The following TUBB3 variants were observed in gnomAD, a reference collection of about 807,000 sequenced individuals.
TUBB3 encodes tubulin beta-3 chain.
In TUBB3, 17 loss-of-function variants were observed where a neutral mutation model predicts 37.8. The observed-to-expected ratio is 0.45, with a 90% CI of 0.31 to 0.67. The LOEUF (loss-of-function observed/expected upper bound fraction) is 0.67. Among genes scored for constraint, TUBB3 ranks in the 30% least tolerant of loss-of-function variants. TUBB3 has a pLI of 0.07. For synonymous variants in TUBB3, 332 were observed against 278.9 expected, an observed-to-expected ratio of 1.19 and a Z score of -1.90; for missense variants, 262 against 657.9, an observed-to-expected ratio of 0.40 and a Z score of 6.58.
rs191521121 is a variant in TUBB3, at chr16:89,927,518, T to G, written c.57+4060T>G. Among the ~76,000 whole-genome samples the G allele has an allele frequency of 9.3e-4, 141 of 152,346 alleles. 2 individuals are homozygous for G. The East Asian group carries it at 0.022, about 24-fold the overall frequency. ...ATATTGCAGATAAACCTGGTGCCCA[T>G]CTAGCCACCTCTCTCTATCCAAGTG... On this transcript the variant is annotated intron_variant, in intron 1 of 3. Coordinates refer to ENST00000315491, the MANE Select transcript of TUBB3 (RefSeq NM_006086.4).
At position 89,935,869 on chromosome 16, in the gene TUBB3, C is replaced by G; in HGVS notation, c.*65C>G. The G allele has an allele frequency of 6.5e-7, 1 of 1,541,496 alleles. No individual in the cohort carries two copies. The highest frequency in any genetic ancestry group is 1.9e-4 in the Middle Eastern group (1 of 5,136). ...GGCCGAAGCCAGCAGTGTCTAAACC[C>G]CCGGAGCCATCTTGCTGCCGACACC... On this transcript the variant is annotated 3_prime_UTR_variant, in exon 4 of 4. Coordinates refer to ENST00000315491, the MANE Select transcript of TUBB3 (RefSeq NM_006086.4).
intron 1 of TUBB3, among the ~76,000 whole-genome samples, chr16:89,926,278 C>T (rs756026326): frequency 1.3e-5 from 2 of 152,224 alleles, no homozygotes; most frequent in Non-Finnish European, 2.9e-5. Flanking sequence ...GGGGGCGGGG[C>T]CTGGCCGTCT....
intron 1 of TUBB3, among the ~76,000 whole-genome samples, chr16:89,928,027 G>A (rs1418260617): frequency 6.6e-6 from 1 of 152,136 alleles, no homozygotes; most frequent in Non-Finnish European, 1.5e-5. Context: ...CAAGCAGTAG[G>A]TGGGAAGCTT....
At chr16:89,927,020 T>TAA (rs2030112328) in intron 1 of TUBB3, among the ~76,000 whole-genome samples, 1 of 152,076 alleles carries the variant, frequency 6.6e-6, no homozygotes. Flanking sequence ...CCGGGCCGAT[T>TAA]TCCTTTTCTG....
At chr16:89,926,398 C>T (rs982801391) in intron 1 of TUBB3, among the ~76,000 whole-genome samples, 3 of 152,266 alleles carry the variant, frequency 2.0e-5, no homozygotes, top group Non-Finnish European at 2.9e-5. Flanking sequence ...GGCTTGGAGG[C>T]CCCAGTCTCG....
At chr16:89,934,644 G>A in intron 3 of TUBB3, 85 bp from the exon 4 acceptor site, 2 of 1,368,684 alleles carry the variant, frequency 1.5e-6, no homozygotes, top group Non-Finnish European at 2.1e-6. Context: ...TGCCACGGCT[G>A]CCCTTGGGAT....
Position 89,923,344 on chromosome 16 carries a change from C to CCT in TUBB3, c.-58_-57insCT. On this transcript the variant is annotated 5_prime_UTR_variant, in exon 1 of 4. Coordinates refer to ENST00000315491, the MANE Select transcript of TUBB3 (RefSeq NM_006086.4). ...GCGCGCGGCCGCGGTCCCCGACCCT[C>CCT]AGCAGCCAGCCCGGCCCGCCCGCGC... 1 of 1,408,424 alleles carries CCT rather than the reference C, an allele frequency of 7.1e-7. No individual in the cohort carries two copies. Among genetic ancestry groups the CCT allele is most frequent in the South Asian group, 1.4e-5 (1 of 72,874 alleles). The allele number at this position is 1,408,424 out of a possible 1,614,324, so 87.2% of individuals were successfully genotyped here.
At chr16:89,932,961 T>C in intron 2 of TUBB3, 1 of 529,378 alleles carries the variant, frequency 1.9e-6, no homozygotes, top group Non-Finnish European at 3.4e-6. Context: ...GCCAGAGACT[T>C]TGGAGGCCAT....
chr16:89,923,253 G>A, upstream of TUBB3: 1 of 418,910 alleles, frequency 2.4e-6, no homozygotes, highest in Non-Finnish European at 3.7e-6. Flanking sequence ...CTCTGCGGCG[G>A]CGCCTCCCGA....
At chr16:89,929,447 T>C (rs2030204485) in intron 1 of TUBB3, among the ~76,000 whole-genome samples, 2 of 152,204 alleles carry the variant, frequency 1.3e-5, no homozygotes, top group South Asian at 4.1e-4. Context: ...CCCGAGACAC[T>C]GTTAGCAGAG....
At position 89,935,841 on chromosome 16, in the gene TUBB3, C is replaced by T. The variant is rs11554950; in HGVS notation, c.*37C>T. 28 of 1,592,566 alleles carry T rather than the reference C, an allele frequency of 1.8e-5. No individual in the cohort carries two copies. Among genetic ancestry groups the T allele is most frequent in the East Asian group, 2.3e-5 (1 of 44,016 alleles). ...GCTGGAGTGAGAGGCAGGTGGCGGCCGGGGCCGAAGCCAGCAGTGTCTAAA... is the reference window on the plus strand; with the variant it reads ...GCTGGAGTGAGAGGCAGGTGGCGGCTGGGGCCGAAGCCAGCAGTGTCTAAA... On this transcript the variant is annotated 3_prime_UTR_variant, in exon 4 of 4. Transcript: ENST00000315491.
chr16:89,932,064 A>G (rs1256531316), intron 1 of TUBB3: 1 of 287,394 alleles, frequency 3.5e-6, no homozygotes, highest in African/African-American at 2.2e-5. Context: ...TCCTGGCACC[A>G]TCACTGGACA....
At chr16:89,924,457 CAG>C (rs950795207) in intron 1 of TUBB3, among the ~76,000 whole-genome samples, 16 of 103,450 alleles carry the variant, frequency 1.5e-4, no homozygotes, top group South Asian at 3.3e-4. Flanking sequence ...TGTTGGGGAA[CAG>C]GGGATCGGGG....
At chr16:89,932,842 T>C in intron 2 of TUBB3, 163 bp downstream of exon 2, 1 of 667,984 alleles carries the variant, frequency 1.5e-6, no homozygotes. Context: ...ATGTCAGGCA[T>C]CCAGACGCAC....
At chr16:89,932,329 G>A (rs1200766188) in intron 1 of TUBB3, among the ~76,000 whole-genome samples, 1 of 152,256 alleles carries the variant, frequency 6.6e-6, no homozygotes, top group Non-Finnish European at 1.5e-5. Flanking sequence ...GTGTGGGTCT[G>A]TTGAACCTTG....
intron 1 of TUBB3, among the ~76,000 whole-genome samples, chr16:89,926,017 A>G (rs2144403366): frequency 6.6e-6 from 1 of 152,250 alleles, no homozygotes; most frequent in African/African-American, 2.4e-5. Flanking sequence ...AAGCCCGGAA[A>G]GCCGAGCGGC....
At chr16:89,922,997 G>A (rs2029938433), upstream of TUBB3, among the ~76,000 whole-genome samples, 1 of 152,266 alleles carries the variant, frequency 6.6e-6, no homozygotes, top group Non-Finnish European at 1.5e-5. Context: ...GGGTGGGGCT[G>A]TCGCAAGGGC....
intron 3 of TUBB3, chr16:89,934,271 C>T: frequency 2.2e-6 from 1 of 465,054 alleles, no homozygotes; most frequent in South Asian, 1.6e-5. Context: ...TGGGGCGGGG[C>T]CGTGGACGCG....
intron 1 of TUBB3, among the ~76,000 whole-genome samples, chr16:89,928,914 G>C (rs952270741): frequency 6.6e-6 from 1 of 150,692 alleles, no homozygotes; most frequent in Non-Finnish European, 1.5e-5. Flanking sequence ...CACCCGCCTT[G>C]GCCTCCCAAA....
Sources: gnomAD v4.1 joint callset for allele counts (sites outside exome capture counted in the v4.1 genomes callset) on GRCh38, gnomAD v4.1.1 for gene constraint, MANE v1.5 for transcripts, NCBI Gene and HGNC (gene_info 2026-07-23, HGNC 2026-07-21) for gene names.